PLGRKT: variants seen among roughly 807,000 people sequenced by gnomAD.
PLGRKT encodes the protein plasminogen receptor with a C-terminal lysine, also known as plasminogen receptor (KT).
A neutral mutation model predicts 18.5 loss-of-function variants in PLGRKT; 22 were observed. That is an observed-to-expected ratio of 1.19 (90% CI 0.85 to 1.70). The LOEUF is 1.70. Ranked by LOEUF, PLGRKT falls within the 40% of genes most tolerant of loss-of-function variation. PLGRKT has a pLI of 0.00. For missense variants in PLGRKT, 235 were observed against 174.4 expected, an observed-to-expected ratio of 1.35 and a Z score of -1.96; for synonymous variants, 72 against 52.8, an observed-to-expected ratio of 1.36 and a Z score of -1.58.
At chr9:5,404,210 G>C (rs749183375) in intron 3 of PLGRKT, among the ~76,000 whole-genome samples, 22 of 152,160 alleles carry the variant, frequency 1.4e-4, no homozygotes, top group Non-Finnish European at 2.5e-4. Context: ...AGAAGAGCTG[G>C]TACCATTTCT....
intron 3 of PLGRKT, among the ~76,000 whole-genome samples, chr9:5,398,898 C>G (rs1367133464): frequency 6.6e-6 from 1 of 151,682 alleles, no homozygotes; most frequent in Non-Finnish European, 1.5e-5. Context: ...AGAAAAAGCA[C>G]TTCGCCTCCC....
chr9:5,418,600 T>C lies in PLGRKT; in HGVS notation c.81+13297A>G, dbSNP rs1818510487. 6.8e-6 allele frequency: 5 copies of C among 739,262 alleles called. No homozygotes were observed. In the South Asian group the frequency reaches 6.9e-5, roughly 10 times the overall value. The allele number at this position is 739,262 out of a possible 1,614,324, so 45.8% of individuals were successfully genotyped here. ...GATGGTCACCACAGTGACGGACTTC[T>C]GCCGGTTCCTGGGCAGCAGGTGGCG... On this transcript the variant is annotated intron_variant, in intron 3 of 5. Coordinates refer to ENST00000223864, the MANE Select transcript of PLGRKT (RefSeq NM_018465.4). This position sits in a 1 kb window ranked among gnomAD's most constrained non-coding sequence, Gnocchi z 4.2.
In PLGRKT at chr9:5,434,619, G is replaced by A. The variant is rs568238451; in HGVS notation, c.-7+1950C>T. On this transcript the variant is annotated intron_variant, in intron 2 of 5. Transcript: ENST00000223864. The stretch of plus-strand genomic sequence containing the variant: ...CCGCCCCCTCTGGGAGGTGGGGAGC[G>A]CCTCTGCCTGGCCACCCATCATCTG... Among the ~76,000 whole-genome samples the A allele has an allele frequency of 1.9e-3, 273 of 146,556 alleles. 2 individuals are homozygous for A. The highest frequency in any genetic ancestry group is 6.4e-3 in the African/African-American group (252 of 39,186).
At position 5,365,956 on chromosome 9, in the gene PLGRKT, A is replaced by G. The variant is rs1330827798; in HGVS notation, c.82-4068T>C. Among the ~76,000 whole-genome samples the G allele has an allele frequency of 2.0e-5, 3 of 152,158 alleles. No individual in the cohort carries two copies. The East Asian group carries it at 5.8e-4, about 29-fold the overall frequency. Reference sequence around the variant, plus strand: ...AAATCAGCAAGGTTGTGTATCTGTGATAAACTATGGGCCTAGAGTGAGAAA... The same window carrying G: ...AAATCAGCAAGGTTGTGTATCTGTGGTAAACTATGGGCCTAGAGTGAGAAA... On this transcript the variant is annotated intron_variant, in intron 3 of 5. Coordinates refer to ENST00000223864, the MANE Select transcript of PLGRKT (RefSeq NM_018465.4).
chr9:5,414,840 A>T (rs1818429136), intron 3 of PLGRKT, among the ~76,000 whole-genome samples: 1 of 152,246 alleles, frequency 6.6e-6, no homozygotes, highest in Admixed American at 6.5e-5. Context: ...TGAATGAAGA[A>T]AGGGGAAGAG....
chr9:5,400,876 A>G (rs1818141161), intron 3 of PLGRKT, among the ~76,000 whole-genome samples: 1 of 151,850 alleles, frequency 6.6e-6, no homozygotes, highest in East Asian at 1.9e-4. Flanking sequence ...ATTCTAACAT[A>G]TTTTTTCCAG....
rs543992060 is a variant in PLGRKT, at chr9:5,397,862, T to C, written c.81+34035A>G. Among the ~76,000 whole-genome samples, 716 of 152,076 alleles carry C rather than the reference T, an allele frequency of 4.7e-3. 20 individuals carry two copies. The highest frequency in any genetic ancestry group is 0.017 in the African/African-American group (699 of 41,332). The stretch of plus-strand genomic sequence containing the variant: ...TTTGTGAGCTTGCTCCTCTTCTCTA[T>C]CTCTAGCTTTGAGGCAGCCCTGAGA... On this transcript the variant is annotated intron_variant, in intron 3 of 5. Coordinates refer to ENST00000223864, the MANE Select transcript of PLGRKT (RefSeq NM_018465.4).
rs565535831 is a variant in PLGRKT, at chr9:5,386,507, A to G, written c.82-24619T>C. On this transcript the variant is annotated intron_variant, in intron 3 of 5. Transcript: ENST00000223864. ...TGCAGTGGACCCCCACACACACACAACAAAACAATTTTCACTTCCAAATGT... is the reference window on the plus strand; with the variant it reads ...TGCAGTGGACCCCCACACACACACAGCAAAACAATTTTCACTTCCAAATGT... Among the ~76,000 whole-genome samples, 7 of 151,948 alleles carry G rather than the reference A, an allele frequency of 4.6e-5. No individual in the cohort carries two copies. In the South Asian group the frequency reaches 1.5e-3, roughly 32 times the overall value.
chr9:5,369,413 C>T (rs557706525), intron 3 of PLGRKT, among the ~76,000 whole-genome samples: 15 of 151,990 alleles, frequency 9.9e-5, no homozygotes, highest in Non-Finnish European at 1.3e-4. Context: ...CCAGTTAGAA[C>T]GGTGATCATT....
intron 3 of PLGRKT, among the ~76,000 whole-genome samples, chr9:5,374,695 C>CT (rs1261428943): frequency 6.6e-6 from 1 of 152,114 alleles, no homozygotes; most frequent in Non-Finnish European, 1.5e-5. Context: ...TTAGGCAAGT[C>CT]TTTAAGCTAG....
intron 3 of PLGRKT, among the ~76,000 whole-genome samples, chr9:5,377,068 T>C (rs1817642800): frequency 1.3e-5 from 2 of 152,202 alleles, no homozygotes; most frequent in Non-Finnish European, 2.9e-5. Context: ...GAGATCTGTT[T>C]CCCTGTCCAA....
At chr9:5,422,507 G>C (rs370264099) in intron 3 of PLGRKT, among the ~76,000 whole-genome samples, 1 of 152,116 alleles carries the variant, frequency 6.6e-6, no homozygotes, top group Non-Finnish European at 1.5e-5. Context: ...TAAATAGTAC[G>C]ACAAGTAGAA....
intron 3 of PLGRKT, among the ~76,000 whole-genome samples, chr9:5,428,829 G>C (rs1818757275): frequency 6.6e-6 from 1 of 152,142 alleles, no homozygotes; most frequent in Non-Finnish European, 1.5e-5. Context: ...GTCCTGTGTA[G>C]CTGGGACTAT....
intron 3 of PLGRKT, among the ~76,000 whole-genome samples, chr9:5,411,058 G>A (rs796824059): frequency 2.0e-5 from 3 of 152,084 alleles, no homozygotes; most frequent in Non-Finnish European, 4.4e-5. Flanking sequence ...TAGTCATCAT[G>A]AGCAAATAAG....
rs71326158 is a variant in PLGRKT at position 5,371,986 on chromosome 9, C to CTTTTTTTTTTTTTTTTTT, written c.82-10099_82-10098insAAAAAAAAAAAAAAAAAA. 2.0e-3 allele frequency among the ~76,000 whole-genome samples: 178 copies of CTTTTTTTTTTTTTTTTTT among 89,112 alleles called. 32 individuals are homozygous for CTTTTTTTTTTTTTTTTTT. Among genetic ancestry groups the CTTTTTTTTTTTTTTTTTT allele is most frequent in the African/African-American group, 5.8e-3 (114 of 19,528 alleles). 58.5% of individuals were successfully genotyped at this position (89,112 alleles called of 152,430 possible). ...CTGCAAAAAACAATATCAGAAAATC[C>CTTTTTTTTTTTTTTTTTT]TTTTTTTTTTTTTGATATGGAGTCT... On this transcript the variant is annotated intron_variant, in intron 3 of 5. Coordinates refer to ENST00000223864, the MANE Select transcript of PLGRKT (RefSeq NM_018465.4).
chr9:5,398,575 T>G lies in PLGRKT; in HGVS notation c.81+33322A>C, dbSNP rs553733645. Among the ~76,000 whole-genome samples the G allele has an allele frequency of 3.2e-4, 49 of 151,816 alleles. 3 individuals carry two copies. Among genetic ancestry groups the G allele is most frequent in the African/African-American group, 1.2e-3 (49 of 41,154 alleles). On this transcript the variant is annotated intron_variant, in intron 3 of 5. Coordinates refer to ENST00000223864, the MANE Select transcript of PLGRKT (RefSeq NM_018465.4). Reference sequence around the variant, plus strand: ...GTGAGTAATAATTAGATGCTCTAAGTTTTCAATTTGATAAAGCTACAAACA... The same window carrying G: ...GTGAGTAATAATTAGATGCTCTAAGGTTTCAATTTGATAAAGCTACAAACA...
At chr9:5,408,884 C>T (rs1818307313) in intron 3 of PLGRKT, among the ~76,000 whole-genome samples, 1 of 152,232 alleles carries the variant, frequency 6.6e-6, no homozygotes, top group Non-Finnish European at 1.5e-5. Context: ...TCAGATACAG[C>T]TCAGATACAG....
At chr9:5,438,199 T>C (rs1316181126), upstream of PLGRKT, among the ~76,000 whole-genome samples, 3 of 152,306 alleles carry the variant, frequency 2.0e-5, no homozygotes, top group East Asian at 5.8e-4. Flanking sequence ...AAGAAGAGAA[T>C]TGACTGAAAT....
At chr9:5,402,301 G>A (rs1490659666) in intron 3 of PLGRKT, among the ~76,000 whole-genome samples, 1 of 151,792 alleles carries the variant, frequency 6.6e-6, no homozygotes, top group African/African-American at 2.4e-5. Flanking sequence ...CAGGGTTTAA[G>A]GTAACCTCAA....
Sources: gnomAD v4.1 joint callset for allele counts (sites outside exome capture counted in the v4.1 genomes callset) on GRCh38, gnomAD v4.1.1 for gene constraint, Gnocchi (gnomAD v3.1) non-coding constraint, MANE v1.5 for transcripts, NCBI Gene and HGNC (gene_info 2026-07-23, HGNC 2026-07-21) for gene names.